CLIC5: variants seen among roughly 807,000 people sequenced by gnomAD.
CLIC5 encodes chloride intracellular channel protein 5.
Under a neutral mutation model 24.7 loss-of-function variants are expected in CLIC5, and 20 were observed. That is an observed-to-expected ratio of 0.81 (90% CI 0.57 to 1.18). The LOEUF is 1.18. CLIC5 is among the 50% of genes most tolerant of loss of function. The pLI is 0.00. For missense variants in CLIC5, 341 were observed against 326.1 expected (o/e 1.05, Z -0.35); for synonymous variants, 159 against 135.6 (o/e 1.17, Z -1.20).
intron 5 of CLIC5, chr6:45,912,483 A>C: frequency 7.6e-7 from 1 of 1,309,370 alleles, no homozygotes; most frequent in Non-Finnish European, 9.8e-7. Context: ...TAGTGAATAC[A>C]TGTTTGAGCA....
At chr6:46,055,937 GA>G (rs1217001959) in intron 1 of CLIC5, among the ~76,000 whole-genome samples, 2 of 152,192 alleles carry the variant, frequency 1.3e-5, no homozygotes, top group African/African-American at 4.8e-5. Context: ...GGGAAGAGGT[GA>G]ATGGGGAGTG....
At chr6:46,086,144 T>G in the CLIC5 span, among the ~76,000 whole-genome samples, 1 of 151,878 alleles carries the variant, frequency 6.6e-6, no homozygotes, top group Non-Finnish European at 1.5e-5. Flanking sequence ...AGGTGCCATC[T>G]GTTACCCCTT....
At chr6:45,973,895 A>T (rs1581810469) in intron 1 of CLIC5, among the ~76,000 whole-genome samples, 1 of 150,282 alleles carries the variant, frequency 6.7e-6, no homozygotes. Context: ...GCGCCACTGC[A>T]CTCCAGCCTG....
chr6:46,039,592 A>G (rs890536841), intron 1 of CLIC5, among the ~76,000 whole-genome samples: 17 of 152,148 alleles, frequency 1.1e-4, no homozygotes, highest in Non-Finnish European at 2.2e-4. Flanking sequence ...ATTAAAGAAG[A>G]AAAAACATTT....
At chr6:45,912,002 C>T in intron 5 of CLIC5, 2 of 985,518 alleles carry the variant, frequency 2.0e-6, no homozygotes, top group Non-Finnish European at 2.4e-6. Flanking sequence ...TGAAAGCGAG[C>T]CACGCAAGAG....
intron 1 of CLIC5, among the ~76,000 whole-genome samples, chr6:45,958,469 T>TATAC (rs1764738842): frequency 3.5e-5 from 1 of 28,954 alleles, no homozygotes; most frequent in Non-Finnish European, 7.2e-5. Flanking sequence ...TATATATATA[T>TATAC]ATATATAAAC....
At position 45,980,844 on chromosome 6, in the gene CLIC5, C is replaced by T. The variant is rs755258343; in HGVS notation, c.64-25600G>A. On this transcript the variant is annotated intron_variant, in intron 1 of 5. Transcript: ENST00000339561. Reference sequence around the variant, plus strand: ...CTCCAAGAAATTGTCTTCTTCCACTCTCAAAAAGAGAATTCTATAACTCAT... The same window carrying T: ...CTCCAAGAAATTGTCTTCTTCCACTTTCAAAAAGAGAATTCTATAACTCAT... 2.6e-5 allele frequency among the ~76,000 whole-genome samples: 4 copies of T among 152,256 alleles called. No homozygotes were observed. In the East Asian group the frequency reaches 5.8e-4, roughly 22 times the overall value.
chr6:45,962,400 T>A (rs992692509), intron 1 of CLIC5, among the ~76,000 whole-genome samples: 1 of 150,912 alleles, frequency 6.6e-6, no homozygotes, highest in African/African-American at 2.4e-5. Context: ...AGGGGGTCAG[T>A]CTTTTTTTCT....
At chr6:46,104,650 A>G in the CLIC5 span, among the ~76,000 whole-genome samples, 1 of 151,826 alleles carries the variant, frequency 6.6e-6, no homozygotes, top group Non-Finnish European at 1.5e-5. Flanking sequence ...TAAAGAGGCA[A>G]AGACTCCTAT....
At chr6:46,016,118 AAAGGGG>A (rs1231483682), upstream of CLIC5, among the ~76,000 whole-genome samples, 5 of 136,064 alleles carry the variant, frequency 3.7e-5, no homozygotes, top group Non-Finnish European at 7.8e-5. Flanking sequence ...GAGGAAGGGG[AAAGGGG>A]AAGGGGAAGA....
chr6:46,096,863 A>G, the CLIC5 span, among the ~76,000 whole-genome samples: 1 of 152,254 alleles, frequency 6.6e-6, no homozygotes, highest in East Asian at 1.9e-4. Context: ...GAAGCTATAG[A>G]AGGCAAAACA....
At chr6:45,911,909 G>C (rs995040767) in intron 5 of CLIC5, 2 of 985,372 alleles carry the variant, frequency 2.0e-6, no homozygotes, top group African/African-American at 3.5e-5. Context: ...AACTAGGAGG[G>C]GGCCAGACAA....
intron 1 of CLIC5, among the ~76,000 whole-genome samples, chr6:45,973,833 G>A (rs909465211): frequency 1.3e-5 from 2 of 152,088 alleles, no homozygotes; most frequent in African/African-American, 4.8e-5. Flanking sequence ...GGGAGGCTGA[G>A]GCAGGAGAAT....
intron 3 of CLIC5, among the ~76,000 whole-genome samples, chr6:45,943,788 G>C (rs1285153093): frequency 6.6e-6 from 1 of 152,144 alleles, no homozygotes; most frequent in Non-Finnish European, 1.5e-5. Context: ...TGTATTCAGG[G>C]GGCTGTGGTG....
rs545713044 is a variant in CLIC5 at position 45,949,322 on chromosome 6, T to C, written c.233A>G (p.Asn78Ser). 1.9e-6 allele frequency: 3 copies of C among 1,614,038 alleles called. No individual in the cohort carries two copies. The Admixed American group carries it at 5.0e-5, about 27-fold the overall frequency. ...ATTGACGTCTGTCTTCACGTCCCCG[T>C]TGAAGGTCAGGAAGGGCGGGTGCGT... ...PGTHPPFLTF[N>S]GDVKTDVNKI... The change falls in exon 3 of 6, where the codon AAC (asparagine) becomes AGC (serine). Residue 78 changes from asparagine (N) to serine (S), a missense_variant. Transcript: ENST00000339561.
chr6:46,068,976 A>C (rs1762515457), intron 1 of CLIC5, among the ~76,000 whole-genome samples: 1 of 152,184 alleles, frequency 6.6e-6, no homozygotes, highest in South Asian at 2.1e-4. Context: ...ACAATGAAGG[A>C]GTGCAGAGCC....
chr6:45,921,878 A>T (rs1175851623), intron 4 of CLIC5, among the ~76,000 whole-genome samples: 2 of 152,220 alleles, frequency 1.3e-5, no homozygotes, highest in East Asian at 3.9e-4. Context: ...TGAACCAAGA[A>T]CACTGGACTT....
chr6:46,093,485 C>G, the CLIC5 span, among the ~76,000 whole-genome samples: 1 of 152,114 alleles, frequency 6.6e-6, no homozygotes, highest in East Asian at 1.9e-4. Flanking sequence ...TAGGAAAGTC[C>G]TGGTATATTT....
At position 45,941,637 on chromosome 6, in the gene CLIC5, C is replaced by T. The variant is rs774416353; in HGVS notation, c.316G>A (p.Ala106Thr). Reference protein sequence around the residue: ...LTPEKYPKLAAKHRESNTAGI... With the variant: ...LTPEKYPKLATKHRESNTAGI... ...GCTGTGTTGGATTCCCGGTGTTTTG[C>T]AGCCAGTTTGGGGTACCTGGAATGG... Residue 106 changes from alanine (A) to threonine (T), a missense_variant, in exon 4 of 6, where the codon GCA becomes ACA. Coordinates refer to ENST00000339561, the MANE Select transcript of CLIC5 (RefSeq NM_016929.5). The T allele has an allele frequency of 5.6e-6, 9 of 1,613,848 alleles. No individual in the cohort carries two copies. The highest frequency in any genetic ancestry group is 1.6e-4 in the Middle Eastern group (1 of 6,082).
Sources: allele counts gnomAD v4.1 joint callset (sites outside exome capture counted in the v4.1 genomes callset), GRCh38; gene constraint gnomAD v4.1.1; transcripts MANE v1.5; gene names NCBI Gene and HGNC (gene_info 2026-07-23, HGNC 2026-07-21).